Variants in FNIP2 observed in about 807,000 individuals in gnomAD.
The protein encoded by FNIP2 is folliculin-interacting protein 2.
Under a neutral mutation model 108.7 loss-of-function variants are expected in FNIP2, and 32 were observed. That is an observed-to-expected ratio of 0.29 (90% CI 0.22 to 0.40). The LOEUF is 0.40. FNIP2 is among the 10% of genes least tolerant of loss of function. The probability of loss-of-function intolerance (pLI) is 1.00; values close to 1 mark genes in which losing one functional copy is unlikely to be tolerated. For synonymous variants in FNIP2, 480 were observed against 496.7 expected (o/e 0.97, Z 0.45); for missense variants, 1,202 against 1,381.6 (o/e 0.87, Z 2.06).
In FNIP2 at chr4:158,840,132, G is replaced by A. The variant is rs78911440; in HGVS notation, c.727+4656G>A. ...AGTGATTAATGGGACACAGGTTATG[G>A]AGGAGGAAGGAGGAACCAAGGATGC... is the stretch of plus-strand genomic sequence containing the variant. On this transcript the variant is annotated intron_variant, in intron 7 of 16. Coordinates refer to ENST00000264433, the MANE Select transcript of FNIP2 (RefSeq NM_020840.3). Among the ~76,000 whole-genome samples, 476 of 152,266 alleles carry A rather than the reference G, an allele frequency of 3.1e-3. 9 individuals are homozygous for A. In the East Asian group the frequency reaches 0.043, roughly 14 times the overall value.
At chr4:158,833,945 C>G in intron 6 of FNIP2, 1 of 1,159,980 alleles carries the variant, frequency 8.6e-7, no homozygotes, top group Non-Finnish European at 1.1e-6. Flanking sequence ...AAATCCTGTG[C>G]AGGTTCTTAG....
At chr4:158,899,469 C>G (rs886848916) in intron 16 of FNIP2, among the ~76,000 whole-genome samples, 13 of 152,144 alleles carry the variant, frequency 8.5e-5, no homozygotes, top group African/African-American at 3.1e-4. Flanking sequence ...GGCTGTGAAT[C>G]CATCTGGTCC....
At chr4:158,889,903 GC>G in intron 14 of FNIP2, 1 of 985,154 alleles carries the variant, frequency 1.0e-6, no homozygotes, top group East Asian at 1.1e-4. Flanking sequence ...CCTTGGAGGA[GC>G]TTGTAAAGAG....
intron 1 of FNIP2, among the ~76,000 whole-genome samples, chr4:158,825,504 T>A (rs1778105949): frequency 6.6e-6 from 1 of 152,166 alleles, no homozygotes; most frequent in South Asian, 2.1e-4. Flanking sequence ...CTCCAAATGG[T>A]TCCCTGCCCA....
chr4:158,895,284 T>C (rs1297583263), intron 15 of FNIP2, among the ~76,000 whole-genome samples: 2 of 152,162 alleles, frequency 1.3e-5, no homozygotes, highest in Non-Finnish European at 2.9e-5. Context: ...CAGAATAATC[T>C]GAGCTATTGG....
At chr4:158,785,764 A>G (rs1205695542) in intron 1 of FNIP2, among the ~76,000 whole-genome samples, 2 of 147,018 alleles carry the variant, frequency 1.4e-5, no homozygotes, top group Non-Finnish European at 3.0e-5. Context: ...AATTTTCTAT[A>G]CCAGTTCCAG....
chr4:158,774,162 A>C (rs965597418), intron 1 of FNIP2, among the ~76,000 whole-genome samples: 1 of 152,232 alleles, frequency 6.6e-6, no homozygotes, highest in African/African-American at 2.4e-5. Flanking sequence ...GCAAGTTATA[A>C]ATTTATGTGA....
intron 16 of FNIP2, among the ~76,000 whole-genome samples, chr4:158,900,257 CCAATTTTGTGGT>C (rs1369866310): frequency 1.3e-5 from 2 of 152,110 alleles, no homozygotes; most frequent in Non-Finnish European, 2.9e-5. Flanking sequence ...TGTTTTACTT[CCAATTTTGTGGT>C]CAATTTTAGA....
intron 1 of FNIP2, among the ~76,000 whole-genome samples, chr4:158,815,380 C>G (rs1244891000): frequency 2.0e-5 from 3 of 147,920 alleles, no homozygotes; most frequent in Non-Finnish European, 4.5e-5. Flanking sequence ...CATCAGTAAT[C>G]CAGCTTTTTT....
At chr4:158,903,762 C>A (rs1729568914) in intron 16 of FNIP2, among the ~76,000 whole-genome samples, 1 of 152,076 alleles carries the variant, frequency 6.6e-6, no homozygotes, top group African/African-American at 2.4e-5. Flanking sequence ...TTGAGGAATT[C>A]AAGGGTAAGG....
chr4:158,830,316 G>T (rs895763999), intron 3 of FNIP2, among the ~76,000 whole-genome samples: 13 of 132,816 alleles, frequency 9.8e-5, no homozygotes, highest in Admixed American at 2.7e-4. Context: ...ACTGCGGACT[G>T]CAGTGGCGCA....
intron 14 of FNIP2, among the ~76,000 whole-genome samples, chr4:158,873,863 T>C (rs760111320): frequency 1.3e-5 from 2 of 152,242 alleles, no homozygotes; most frequent in Non-Finnish European, 2.9e-5. Context: ...CATTCTTTCC[T>C]CTGTTTTCCT....
rs566650373 is a variant in FNIP2, at chr4:158,786,247, C to T, written c.107+16928C>T. On this transcript the variant is annotated intron_variant, in intron 1 of 16. Transcript: ENST00000264433. ...GACCACTCTGTTTATATTTCTCCTT[C>T]CAGAGAAATGCTTATCTGTCCTTTT... 3.9e-5 allele frequency among the ~76,000 whole-genome samples: 6 copies of T among 152,300 alleles called. No homozygotes were observed. In the South Asian group the frequency reaches 1.2e-3, roughly 32 times the overall value.
Position 158,831,965 on chromosome 4 carries a change from A to T in FNIP2, c.482+4A>T. The T allele has an allele frequency of 6.2e-7, 1 of 1,607,556 alleles. No homozygotes were observed. The highest frequency in any genetic ancestry group is 8.5e-7 in the Non-Finnish European group (1 of 1,175,402). On this transcript the variant is annotated splice_donor_region_variant and intron_variant, in intron 4 of 16. Coordinates refer to ENST00000264433, the MANE Select transcript of FNIP2 (RefSeq NM_020840.3). Reference sequence around the variant, plus strand: ...CCTTAAAGATACACTACATACGGTGAGTCTGGGCTTCCTTTTCTACTAGTT... The same window carrying T: ...CCTTAAAGATACACTACATACGGTGTGTCTGGGCTTCCTTTTCTACTAGTT...
At chr4:158,769,377 C>A in intron 1 of FNIP2, 58 bp downstream of exon 1, 1 of 1,224,786 alleles carries the variant, frequency 8.2e-7, no homozygotes, top group Non-Finnish European at 1.1e-6. Flanking sequence ...TCGGTGCTCG[C>A]CGGGGAGGGG....
chr4:158,808,363 T>A (rs1485926765), intron 1 of FNIP2, among the ~76,000 whole-genome samples: 1 of 152,220 alleles, frequency 6.6e-6, no homozygotes, highest in Non-Finnish European at 1.5e-5. Flanking sequence ...ATTTTAACAT[T>A]TTCATACCTG....
intron 14 of FNIP2, chr4:158,872,190 G>C (rs1780991750): frequency 2.0e-6 from 2 of 985,180 alleles, no homozygotes; most frequent in Admixed American, 1.2e-4. Context: ...GAATGCCCTG[G>C]ATTTACTCAC....
At chr4:158,801,570 G>A (rs1355188061) in intron 1 of FNIP2, among the ~76,000 whole-genome samples, 1 of 152,120 alleles carries the variant, frequency 6.6e-6, no homozygotes, top group Non-Finnish European at 1.5e-5. Flanking sequence ...TATACCTTGG[G>A]CCAGTTCCTT....
intron 1 of FNIP2, among the ~76,000 whole-genome samples, chr4:158,805,123 A>G (rs80027955): frequency 0.024 from 3,644 of 152,276 alleles, 134 homozygotes; most frequent in African/African-American, 0.078. Context: ...AAAAACCGCA[A>G]TTACTTTTGC....
Sources: gnomAD v4.1 joint callset for allele counts (sites outside exome capture counted in the v4.1 genomes callset) on GRCh38, gnomAD v4.1.1 for gene constraint, MANE v1.5 for transcripts, NCBI Gene and HGNC (gene_info 2026-07-23, HGNC 2026-07-21) for gene names.